STK40: variants seen among roughly 807,000 people sequenced by gnomAD.
The protein encoded by STK40 is serine/threonine-protein kinase 40.
Under a neutral mutation model 47.9 loss-of-function variants are expected in STK40, and 13 were observed. The observed-to-expected ratio is 0.27, with a 90% CI of 0.18 to 0.43. The LOEUF (loss-of-function observed/expected upper bound fraction) is 0.43, where lower values mean the gene tolerates loss of function less well. Among genes scored for constraint, STK40 ranks in the 20% least tolerant of loss-of-function variants. The pLI, the probability that STK40 is intolerant of heterozygous loss-of-function variation, is 1.00. For synonymous variants in STK40, 225 were observed against 243.2 expected (o/e 0.93, Z 0.69); for missense variants, 460 against 595.1 (o/e 0.77, Z 2.36).
rs555103207 is a variant in STK40 at position 36,383,870 on chromosome 1, T to G, written c.-9+1853A>C. Reference sequence around the variant, plus strand: ...CATTCTCACCTGGCTAAGCCTCCCCTCCTCTCCTTTTAGACTCAGCTCCAG... The same window carrying G: ...CATTCTCACCTGGCTAAGCCTCCCCGCCTCTCCTTTTAGACTCAGCTCCAG... On this transcript the variant is annotated intron_variant, in intron 1 of 10. Coordinates refer to ENST00000373132, the MANE Select transcript of STK40 (RefSeq NM_001282547.2). Among the ~76,000 whole-genome samples the G allele has an allele frequency of 5.3e-5, 8 of 152,036 alleles. No homozygotes were observed. The East Asian group carries it at 1.5e-3, about 29-fold the overall frequency.
intron 7 of STK40, among the ~76,000 whole-genome samples, chr1:36,345,585 G>A (rs1646692295): frequency 1.3e-5 from 2 of 152,200 alleles, no homozygotes; most frequent in Non-Finnish European, 2.9e-5. Flanking sequence ...CCCCATGGCT[G>A]ACTCAAGGAC....
At chr1:36,363,871 G>A (rs1486632462) in intron 1 of STK40, among the ~76,000 whole-genome samples, 4 of 149,422 alleles carry the variant, frequency 2.7e-5, no homozygotes, top group African/African-American at 9.9e-5. Context: ...CATCTTGTCA[G>A]CCAAGCGCGG....
chr1:36,360,412 T>C (rs1442734598), intron 2 of STK40, among the ~76,000 whole-genome samples: 1 of 152,244 alleles, frequency 6.6e-6, no homozygotes, highest in Admixed American at 6.5e-5. Flanking sequence ...TCTGTGCCAA[T>C]TTAAATAAAT....
intron 7 of STK40, among the ~76,000 whole-genome samples, chr1:36,347,257 G>A (rs1646711537): frequency 6.6e-6 from 1 of 152,206 alleles, no homozygotes; most frequent in Non-Finnish European, 1.5e-5. Context: ...TGTGTGGGGT[G>A]GGGATGAAGG....
At chr1:36,361,168 G>GGT in intron 2 of STK40, 53 bp downstream of exon 2, 2 of 1,602,208 alleles carry the variant, frequency 1.2e-6, no homozygotes, top group South Asian at 2.2e-5. Flanking sequence ...GAGCCAATGT[G>GGT]CCCTGCCCCT....
Position 36,355,200 on chromosome 1 carries a change from C to T in STK40, c.570+6G>A. Reference sequence around the variant, plus strand: ...CAGAAGGCGCAGCAGCAGGGTGTGGCCTCACCTGGTGCAGGGCCTCCACCA... The same window carrying T: ...CAGAAGGCGCAGCAGCAGGGTGTGGTCTCACCTGGTGCAGGGCCTCCACCA... On this transcript the variant is annotated splice_donor_region_variant and intron_variant, in intron 5 of 10. Coordinates refer to ENST00000373132, the MANE Select transcript of STK40 (RefSeq NM_001282547.2). 6.2e-7 allele frequency: 1 copy of T among 1,613,240 alleles called. No homozygotes were observed. The highest frequency in any genetic ancestry group is 8.5e-7 in the Non-Finnish European group (1 of 1,179,892).
intron 1 of STK40, among the ~76,000 whole-genome samples, chr1:36,375,959 C>T (rs1435223364): frequency 6.6e-6 from 1 of 151,922 alleles, no homozygotes; most frequent in Admixed American, 6.6e-5. Flanking sequence ...GAGGCGTAGG[C>T]TGCAGTGCGC....
In STK40 at chr1:36,346,009, T is replaced by TTTTTTC. The variant is rs1436531127; in HGVS notation, c.740-1746_740-1745insGAAAAA. 1.4e-3 allele frequency among the ~76,000 whole-genome samples: 165 copies of TTTTTTC among 122,004 alleles called. 2 individuals are homozygous for TTTTTTC. The highest frequency in any genetic ancestry group is 5.9e-3 in the African/African-American group (157 of 26,490). The allele number at this position is 122,004 out of a possible 152,430, so 80.0% of individuals were successfully genotyped here. A position where few individuals can be genotyped will look rare whatever the true frequency, so the allele number is the denominator to read the frequency against. ...TATATATATTTTTTTTTTTTTTTTT[T>TTTTTTC]CCTGAGACAGAGTCTTGCTCTGTTG... is the stretch of plus-strand genomic sequence containing the variant. On this transcript the variant is annotated intron_variant, in intron 7 of 10. Coordinates refer to ENST00000373132, the MANE Select transcript of STK40 (RefSeq NM_001282547.2).
chr1:36,352,982 C>G (rs189864964), intron 6 of STK40, among the ~76,000 whole-genome samples: 278 of 152,338 alleles, frequency 1.8e-3, no homozygotes, highest in African/African-American at 6.6e-3. Context: ...AGCAGTAATT[C>G]CCCATCAGTT....
chr1:36,384,047 T>G (rs1570473159), intron 1 of STK40, among the ~76,000 whole-genome samples: 1 of 130,404 alleles, frequency 7.7e-6, no homozygotes, highest in East Asian at 2.0e-4. Flanking sequence ...TTTTTTTTTT[T>G]GAGACAGAGT....
intron 6 of STK40, among the ~76,000 whole-genome samples, chr1:36,350,000 G>T (rs532936291): frequency 2.1e-4 from 32 of 152,320 alleles, no homozygotes; most frequent in African/African-American, 6.5e-4. Flanking sequence ...ATGTGTGGCT[G>T]CTGGCGGATT....
chr1:36,342,337 C>T (rs1646657146), intron 10 of STK40: 2 of 291,596 alleles, frequency 6.9e-6, no homozygotes, highest in East Asian at 9.4e-5. Flanking sequence ...TACGAGCAAG[C>T]CCTGGGCTGG....
chr1:36,376,047 T>G (rs1477133585), intron 1 of STK40, among the ~76,000 whole-genome samples: 2 of 152,110 alleles, frequency 1.3e-5, no homozygotes, highest in Non-Finnish European at 2.9e-5. Flanking sequence ...ATTCACGACT[T>G]TGACAGCGAG....
At chr1:36,365,812 A>G (rs1646896921) in intron 1 of STK40, among the ~76,000 whole-genome samples, 3 of 152,190 alleles carry the variant, frequency 2.0e-5, no homozygotes, top group South Asian at 4.1e-4. Flanking sequence ...GTAACTATGT[A>G]TTTATTTGTG....
At chr1:36,366,561 A>G (rs1004684693) in intron 1 of STK40, among the ~76,000 whole-genome samples, 2 of 152,090 alleles carry the variant, frequency 1.3e-5, no homozygotes, top group South Asian at 2.1e-4. Context: ...TCCTCCAATC[A>G]TCTGGCTGTG....
chr1:36,343,199 T>C (rs1046773747), intron 10 of STK40, 165 bp downstream of exon 10: 4 of 806,778 alleles, frequency 5.0e-6, no homozygotes, highest in African/African-American at 3.4e-5. Flanking sequence ...CCCAGGCAGC[T>C]CAGGCTGAGG....
At chr1:36,344,376 A>G in intron 7 of STK40, 112 bp from the exon 8 acceptor site, 1 of 1,402,994 alleles carries the variant, frequency 7.1e-7, no homozygotes, top group Non-Finnish European at 9.4e-7. Flanking sequence ...CAGTCCCCCC[A>G]GAGTCGTCCT....
intron 7 of STK40, among the ~76,000 whole-genome samples, chr1:36,344,767 A>G (rs891460064): frequency 6.6e-6 from 1 of 152,150 alleles, no homozygotes; most frequent in Admixed American, 6.5e-5. Flanking sequence ...TGCGGTGTTC[A>G]CTGCTGAGCC....
At chr1:36,373,169 G>T (rs1284454571) in intron 1 of STK40, among the ~76,000 whole-genome samples, 1 of 152,160 alleles carries the variant, frequency 6.6e-6, no homozygotes, top group Non-Finnish European at 1.5e-5. Flanking sequence ...AAACAGAGAT[G>T]GTAATATGCC....
Sources: gnomAD v4.1 joint callset for allele counts (sites outside exome capture counted in the v4.1 genomes callset) on GRCh38, gnomAD v4.1.1 for gene constraint, MANE v1.5 for transcripts, NCBI Gene and HGNC (gene_info 2026-07-23, HGNC 2026-07-21) for gene names.